Variants in C2orf74 observed in about 807,000 individuals in gnomAD.
C2orf74 encodes the protein uncharacterized protein C2orf74.
C2orf74 carries 14 observed loss-of-function variants against 17.9 expected under a neutral mutation model. The observed-to-expected ratio is 0.78, with a 90% CI of 0.52 to 1.22. The LOEUF (loss-of-function observed/expected upper bound fraction) is 1.22, where lower values mean the gene tolerates loss of function less well. Ranked by LOEUF, C2orf74 falls within the 50% of genes most tolerant of loss-of-function variation. The pLI, the probability that C2orf74 is intolerant of heterozygous loss-of-function variation, is 0.00. For missense variants in C2orf74, 217 were observed against 218.4 expected (o/e 0.99, Z 0.04); for synonymous variants, 79 against 72.6 (o/e 1.09, Z -0.44).
At chr2:61,154,336 A>C (rs925410053) in intron 1 of C2orf74, among the ~76,000 whole-genome samples, 1 of 152,158 alleles carries the variant, frequency 6.6e-6, no homozygotes, top group African/African-American at 2.4e-5. Context: ...TGTCAAGGTC[A>C]TCAAAAACAG....
chr2:61,147,594 G>C (rs191690776), intron 1 of C2orf74, among the ~76,000 whole-genome samples: 163 of 152,208 alleles, frequency 1.1e-3, no homozygotes, highest in African/African-American at 3.8e-3. Flanking sequence ...GATAATTAGC[G>C]AGGTGAGCCT....
intron 1 of C2orf74, among the ~76,000 whole-genome samples, chr2:61,149,067 G>T (rs1342461039): frequency 6.6e-6 from 1 of 152,128 alleles, no homozygotes. Flanking sequence ...TAACCTCCTG[G>T]TACAAACATG....
Position 61,164,374 on chromosome 2 carries a change from A to G in C2orf74, c.411A>G (p.Ile137Met). ...TGCAGGATGATGGTTTGCAGAAAAT[A>G]CACACATCTGTCACTAGAACTCCTT... is the stretch of plus-strand genomic sequence containing the variant. ...GQEEDDGLQK[I>M]HTSVTRTPSV... Residue 137 changes from isoleucine to methionine, a missense_variant, in exon 5 of 5, where the codon ATA becomes ATG. Physicochemically the swap from Ile to Met is conservative, Grantham distance 10 (BLOSUM62 1). Transcript: ENST00000432605. 2 of 1,545,544 alleles carry G rather than the reference A, an allele frequency of 1.3e-6. No homozygotes were observed. The highest frequency in any genetic ancestry group is 1.7e-6 in the Non-Finnish European group (2 of 1,145,142).
At chr2:61,145,503 A>C (rs949849484) in intron 1 of C2orf74, among the ~76,000 whole-genome samples, 1 of 151,942 alleles carries the variant, frequency 6.6e-6, no homozygotes, top group African/African-American at 2.4e-5. Flanking sequence ...GGCTCACTGC[A>C]CCCTCCGCTG....
At chr2:61,148,432 C>T (rs929646677) in intron 1 of C2orf74, among the ~76,000 whole-genome samples, 2 of 152,094 alleles carry the variant, frequency 1.3e-5, no homozygotes, top group Non-Finnish European at 2.9e-5. Context: ...GGTGATCTAC[C>T]TGCCTCAGCC....
At chr2:61,154,179 A>T (rs1467270808) in intron 1 of C2orf74, among the ~76,000 whole-genome samples, 1 of 151,702 alleles carries the variant, frequency 6.6e-6, no homozygotes, top group African/African-American at 2.4e-5. Flanking sequence ...GGTTGCATTG[A>T]GCCAACATCA....
At chr2:61,162,712 A>G (rs757278307) in intron 2 of C2orf74, 103 bp downstream of exon 2, 140 of 1,066,074 alleles carry the variant, frequency 1.3e-4, no homozygotes, top group Middle Eastern at 1.0e-3. Flanking sequence ...TAATGATACC[A>G]TAATTATCTA....
rs759321861 is a variant in C2orf74 at position 61,162,840 on chromosome 2, A to G, written c.96-2A>G. On this transcript the variant is annotated splice_acceptor_variant, in intron 2 of 4. Coordinates refer to ENST00000432605, the MANE Select transcript of C2orf74 (RefSeq NM_001143959.4). LOFTEE classifies it high-confidence loss of function. ...CTGAATTTGTGGCTTGTTTGTTTTCAGTTTCCAAGGCAGGAAAGGTAAAGA... is the reference window on the plus strand; with the variant it reads ...CTGAATTTGTGGCTTGTTTGTTTTCGGTTTCCAAGGCAGGAAAGGTAAAGA... 1.3e-6 allele frequency: 2 copies of G among 1,550,694 alleles called. No homozygotes were observed. Among genetic ancestry groups the G allele is most frequent in the East Asian group, 2.4e-5 (1 of 41,056 alleles).
upstream of C2orf74, among the ~76,000 whole-genome samples, chr2:61,161,045 A>G (rs572099151): frequency 1.6e-4 from 24 of 152,344 alleles, no homozygotes; most frequent in Admixed American, 1.4e-3. Flanking sequence ...ACAAGGTTCC[A>G]ATTTCTCCAT....
At chr2:61,164,071 C>T (rs1685655584) in intron 4 of C2orf74, among the ~76,000 whole-genome samples, 1 of 152,108 alleles carries the variant, frequency 6.6e-6, no homozygotes, top group South Asian at 2.1e-4. Context: ...ACCCCATGGC[C>T]ATGCCCGGTT....
upstream of C2orf74, chr2:61,159,219 A>G (rs1411531387): frequency 1.4e-5 from 4 of 276,596 alleles, no homozygotes; most frequent in African/African-American, 4.6e-5. Flanking sequence ...GATGGCCTCA[A>G]TCTCCTGACC....
At chr2:61,163,001 G>T (rs1685612678) in intron 3 of C2orf74, 46 bp downstream of exon 3, 1 of 1,551,746 alleles carries the variant, frequency 6.4e-7, no homozygotes, top group Admixed American at 2.0e-5. Flanking sequence ...GTGTTTGATA[G>T]TGGGGATGAG....
chr2:61,160,666 G>A (rs1037838992), upstream of C2orf74, among the ~76,000 whole-genome samples: 2 of 151,122 alleles, frequency 1.3e-5, no homozygotes, highest in Admixed American at 6.6e-5. Flanking sequence ...CCGCCACCAC[G>A]CCCAGCTAGT....
chr2:61,149,486 C>T (rs1244673780), intron 1 of C2orf74, among the ~76,000 whole-genome samples: 2 of 151,746 alleles, frequency 1.3e-5, no homozygotes, highest in African/African-American at 4.8e-5. Flanking sequence ...CAAGGCTGTC[C>T]TGGTCCAAGG....
In C2orf74 at chr2:61,162,905, A is replaced by T. The variant is rs369663365; in HGVS notation, c.159A>T (p.Val53=). Residue 53 remains valine (V), a synonymous_variant, in exon 3 of 5, where the codon GTA becomes GTT. Coordinates refer to ENST00000432605, the MANE Select transcript of C2orf74 (RefSeq NM_001143959.4). ...KVPCTDANGG[V]DCAAAKVVTS... is the part of the protein sequence containing the mutation. ...CTTGTACAGATGCAAACGGAGGTGT[A>T]GACTGTGCAGCTGCCAAAGTGGTGA... 45 of 1,552,578 alleles carry T rather than the reference A, an allele frequency of 2.9e-5. No individual in the cohort carries two copies. The South Asian group carries it at 5.4e-4, about 18-fold the overall frequency.
intron 1 of C2orf74, chr2:61,145,269 A>G (rs1473866005): frequency 2.6e-5 from 4 of 152,208 alleles, no homozygotes; most frequent in Admixed American, 2.0e-4. Context: ...ATATAAATAT[A>G]TTAAATATTC....
At chr2:61,145,188 G>T (rs1202967123) in exon 1 of C2orf74, 1 of 152,274 alleles carries the variant, frequency 6.6e-6, no homozygotes, top group East Asian at 1.9e-4. Flanking sequence ...ACTCGTGGGG[G>T]AAAGGCTGGT....
At chr2:61,153,261 A>G (rs1370359034) in intron 1 of C2orf74, among the ~76,000 whole-genome samples, 1 of 152,028 alleles carries the variant, frequency 6.6e-6, no homozygotes, top group East Asian at 1.9e-4. Flanking sequence ...AATCAATAGT[A>G]GAAGGATAAA....
At position 61,162,945 on chromosome 2, in the gene C2orf74, G is replaced by C. The variant is rs890077071; in HGVS notation, c.199G>C (p.Asp67His). Residue 67 changes from aspartate to histidine, a missense_variant, in exon 3 of 5, where the codon GAC (aspartate) becomes CAC (histidine). Coordinates refer to ENST00000432605, the MANE Select transcript of C2orf74 (RefSeq NM_001143959.4). ...CAAAGTGGTGACAAGCAATCCAGAG[G>C]ACCATGAAAGGCGAGTGTGGTGCAG... ...AAKVVTSNPEDHERILMQVMN... is the reference protein window; with the variant it reads ...AAKVVTSNPEHHERILMQVMN... The C allele has an allele frequency of 3.9e-6, 6 of 1,552,450 alleles. No homozygotes were observed. The highest frequency in any genetic ancestry group is 3.9e-5 in the Admixed American group (2 of 50,994).
Sources: gnomAD v4.1 joint callset for allele counts (sites outside exome capture counted in the v4.1 genomes callset) on GRCh38, gnomAD v4.1.1 for gene constraint, MANE v1.5 for transcripts, NCBI Gene and HGNC (gene_info 2026-07-23, HGNC 2026-07-21) for gene names.